AK8: variants seen among roughly 807,000 people sequenced by gnomAD.
AK8 encodes adenylate kinase 8.
Under a neutral mutation model 54.6 loss-of-function variants are expected in AK8, and 44 were observed. The ratio of observed to expected loss-of-function variants is 0.81; its 90% CI spans 0.63 to 1.04. AK8 has a LOEUF of 1.04. Among genes scored for constraint, AK8 ranks in the 50% least tolerant of loss-of-function variants. The pLI, the probability that AK8 is intolerant of heterozygous loss-of-function variation, is 0.00. For missense variants in AK8, 555 were observed against 613.6 expected, an observed-to-expected ratio of 0.90 and a Z score of 1.01; for synonymous variants, 239 against 245.6, an observed-to-expected ratio of 0.97 and a Z score of 0.25.
chr9:132,810,455 T>C (rs1840948139), intron 10 of AK8, among the ~76,000 whole-genome samples: 3 of 152,220 alleles, frequency 2.0e-5, no homozygotes, highest in Admixed American at 2.0e-4. Flanking sequence ...GGTGGATGAA[T>C]TAAGCCGGCT....
At chr9:132,876,772 C>T (rs1038579018) in intron 1 of AK8, among the ~76,000 whole-genome samples, 11 of 152,118 alleles carry the variant, frequency 7.2e-5, no homozygotes, top group South Asian at 4.2e-4. Context: ...AGGGAATCCA[C>T]AGATGACTAA....
chr9:132,759,089 C>T (rs544924576), intron 11 of AK8, among the ~76,000 whole-genome samples: 22 of 149,990 alleles, frequency 1.5e-4, no homozygotes, highest in Non-Finnish European at 3.1e-4. Flanking sequence ...CCAGCTATTA[C>T]GGAGGCCAAG....
At position 132,725,618 on chromosome 9, in the gene AK8, G is replaced by A; in HGVS notation, c.*70C>T. ...TTTATTGGCTTTTTAGGGGAGCTGTGCCGAGGCTGGGGGGCTGGGGGCAGG... is the reference window on the plus strand; with the variant it reads ...TTTATTGGCTTTTTAGGGGAGCTGTACCGAGGCTGGGGGGCTGGGGGCAGG... On this transcript the variant is annotated 3_prime_UTR_variant, in exon 13 of 13. Coordinates refer to ENST00000298545, the MANE Select transcript of AK8 (RefSeq NM_152572.3). 7.2e-7 allele frequency: 1 copy of A among 1,381,862 alleles called. No homozygotes were observed. The highest frequency in any genetic ancestry group is 9.9e-7 in the Non-Finnish European group (1 of 1,005,206). 85.6% of individuals were successfully genotyped at this position (1,381,862 alleles called of 1,614,324 possible).
chr9:132,784,104 GA>G (rs1839590307), intron 11 of AK8, among the ~76,000 whole-genome samples: 1 of 152,190 alleles, frequency 6.6e-6, no homozygotes, highest in South Asian at 2.1e-4. Context: ...AAGTAATAAG[GA>G]GAACCAAGAC....
intron 11 of AK8, among the ~76,000 whole-genome samples, chr9:132,767,921 A>G (rs1838790851): frequency 6.6e-6 from 1 of 152,186 alleles, no homozygotes; most frequent in Non-Finnish European, 1.5e-5. Context: ...TCATGGAGGT[A>G]GAGAGTGGAA....
At chr9:132,839,650 G>A (rs1247553437) in intron 5 of AK8, among the ~76,000 whole-genome samples, 4 of 152,122 alleles carry the variant, frequency 2.6e-5, no homozygotes, top group African/African-American at 4.8e-5. Flanking sequence ...CTTTGACTCC[G>A]GCAGGGGCTC....
chr9:132,805,997 T>C (rs1840705635), intron 10 of AK8, among the ~76,000 whole-genome samples: 1 of 151,586 alleles, frequency 6.6e-6, no homozygotes, highest in African/African-American at 2.4e-5. Flanking sequence ...GGCTCTGGGT[T>C]GGGGGTACCA....
At position 132,725,896 on chromosome 9, in the gene AK8, G is replaced by A; in HGVS notation, c.1232C>T (p.Thr411Ile). ...CAGGAGGCGAGCCTGGATCTCCATG[G>A]TGGGAGGTGGCTTGTACATGAGGTG... is the stretch of plus-strand genomic sequence containing the variant. Reference protein sequence around the residue: ...RYHLMYKPPPTMEIQARLLQN... With the variant: ...RYHLMYKPPPIMEIQARLLQN... The change falls in exon 13 of 13, where the codon ACC becomes ATC. Residue 411 changes from threonine (T) to isoleucine (I), a missense_variant. By Grantham distance (89) the Thr-to-Ile change is moderately conservative. Coordinates refer to ENST00000298545, the MANE Select transcript of AK8 (RefSeq NM_152572.3). 6.2e-7 allele frequency: 1 copy of A among 1,611,928 alleles called. No individual in the cohort carries two copies. The highest frequency in any genetic ancestry group is 8.5e-7 in the Non-Finnish European group (1 of 1,179,698).
intron 11 of AK8, among the ~76,000 whole-genome samples, chr9:132,758,239 G>A (rs754370287): frequency 5.9e-5 from 9 of 152,160 alleles, no homozygotes; most frequent in African/African-American, 1.7e-4. Flanking sequence ...ACACGAATAC[G>A]CGGAGCCACA....
intron 12 of AK8, among the ~76,000 whole-genome samples, chr9:132,726,952 T>C (rs1029880557): frequency 3.5e-5 from 5 of 141,186 alleles, no homozygotes; most frequent in East Asian, 2.1e-4. Flanking sequence ...AACACCCGCC[T>C]CTTAGTGATT....
chr9:132,816,550 G>T (rs1378136584), intron 9 of AK8, among the ~76,000 whole-genome samples: 1 of 152,154 alleles, frequency 6.6e-6, no homozygotes. Flanking sequence ...TTAAGGGGCA[G>T]AGCTGGGGTC....
At chr9:132,831,895 G>A (rs773661836) in intron 5 of AK8, among the ~76,000 whole-genome samples, 22 of 151,324 alleles carry the variant, frequency 1.5e-4, no homozygotes, top group Non-Finnish European at 3.1e-4. Flanking sequence ...CCACTCTACC[G>A]AAAAAGATTT....
At chr9:132,730,729 C>G (rs1054177084) in intron 11 of AK8, among the ~76,000 whole-genome samples, 1 of 152,088 alleles carries the variant, frequency 6.6e-6, no homozygotes, top group African/African-American at 2.4e-5. Flanking sequence ...CCTGTGAGCC[C>G]CGGAAATTAG....
chr9:132,867,315 C>T (rs79055082), intron 2 of AK8, among the ~76,000 whole-genome samples: 1,755 of 152,294 alleles, frequency 0.012, 38 homozygotes, highest in African/African-American at 0.04. Context: ...TTATGCAAAT[C>T]GACCTTAGAA....
intron 11 of AK8, among the ~76,000 whole-genome samples, chr9:132,782,238 G>T (rs1473185114): frequency 6.6e-6 from 1 of 151,666 alleles, no homozygotes; most frequent in African/African-American, 2.4e-5. Flanking sequence ...CTTGGGCTCG[G>T]TAAGTAAAAC....
intron 11 of AK8, among the ~76,000 whole-genome samples, chr9:132,788,804 T>C (rs1300624047): frequency 2.0e-5 from 3 of 152,180 alleles, no homozygotes; most frequent in East Asian, 3.9e-4. Flanking sequence ...CTCTCAGATA[T>C]GGAGAAAGAA....
rs1016126051 is a variant in AK8, at chr9:132,791,344, C to G, written c.1121+1290G>C. Among the ~76,000 whole-genome samples, 4 of 152,172 alleles carry G rather than the reference C, an allele frequency of 2.6e-5. No individual in the cohort carries two copies. The highest frequency in any genetic ancestry group is 5.9e-5 in the Non-Finnish European group (4 of 68,038). ...AACCGCCCCCATGATCCGATCACCT[C>G]TCACCAGGTCCCTCCCTAACATGTG... On this transcript the variant is annotated intron_variant, in intron 11 of 12. Transcript: ENST00000298545. This position sits in a 1 kb window ranked among gnomAD's most constrained non-coding sequence, Gnocchi z 4.0.
chr9:132,727,964 G>A (rs1260533460), intron 11 of AK8, among the ~76,000 whole-genome samples: 1 of 152,150 alleles, frequency 6.6e-6, no homozygotes, highest in Non-Finnish European at 1.5e-5. Flanking sequence ...TGCAGGGCAT[G>A]GTGTGCCCCC....
At chr9:132,850,761 T>C (rs1842941757) in intron 5 of AK8, among the ~76,000 whole-genome samples, 1 of 151,492 alleles carries the variant, frequency 6.6e-6, no homozygotes, top group Non-Finnish European at 1.5e-5. Context: ...CTAGAACTCC[T>C]GGACTCAAGC....
Sources: allele counts gnomAD v4.1 joint callset (sites outside exome capture counted in the v4.1 genomes callset), GRCh38; gene constraint gnomAD v4.1.1; non-coding constraint Gnocchi (gnomAD v3.1); transcripts MANE v1.5; gene names NCBI Gene and HGNC (gene_info 2026-07-23, HGNC 2026-07-21).